The following FOCAD variants were observed in gnomAD, a reference collection of about 807,000 sequenced individuals.
FOCAD encodes KIAA1797.
In FOCAD, 198 loss-of-function variants were observed where a neutral mutation model predicts 225.6. The observed-to-expected ratio is 0.88, with a 90% CI of 0.78 to 0.99. The LOEUF (loss-of-function observed/expected upper bound fraction) is 0.99. FOCAD is among the 50% of genes least tolerant of loss of function. FOCAD has a pLI of 0.00. For synonymous variants in FOCAD, 897 were observed against 755.0 expected (o/e 1.19, Z -3.08); for missense variants, 2,713 against 2,123.6 (o/e 1.28, Z -5.46).
At chr9:20,768,755 C>A (rs1216339184) in intron 7 of FOCAD, among the ~76,000 whole-genome samples, 1 of 152,084 alleles carries the variant, frequency 6.6e-6, no homozygotes, top group Non-Finnish European at 1.5e-5. Context: ...GTTTCTTCTC[C>A]TTCCAGTTGC....
intron 15 of FOCAD, among the ~76,000 whole-genome samples, chr9:20,849,729 A>T (rs137940623): frequency 1.3e-5 from 2 of 152,068 alleles, no homozygotes; most frequent in South Asian, 4.1e-4. Context: ...TAGTAACTAC[A>T]TGTCCAGATC....
chr9:20,774,981 G>T (rs1283000840), intron 8 of FOCAD, among the ~76,000 whole-genome samples: 3 of 152,138 alleles, frequency 2.0e-5, no homozygotes, highest in Admixed American at 2.0e-4. Context: ...AGGTCTATAT[G>T]TACTACAATT....
At chr9:20,890,511 C>T (rs1197906944) in intron 21 of FOCAD, among the ~76,000 whole-genome samples, 3 of 151,954 alleles carry the variant, frequency 2.0e-5, no homozygotes, top group Non-Finnish European at 4.4e-5. Context: ...ACCAACCTTG[C>T]ATTCCTGGGA....
intron 15 of FOCAD, among the ~76,000 whole-genome samples, chr9:20,850,371 A>G (rs952337954): frequency 4.6e-5 from 7 of 151,772 alleles, no homozygotes; most frequent in South Asian, 2.1e-4. Context: ...ACAGAAATAC[A>G]CTGTCGAGGA....
chr9:20,938,620 C>T (rs1272392389), intron 28 of FOCAD, among the ~76,000 whole-genome samples: 1 of 151,896 alleles, frequency 6.6e-6, no homozygotes, highest in Non-Finnish European at 1.5e-5. Context: ...AGGGGATATA[C>T]CTAATGTTAA....
rs187559739 is a variant in FOCAD at position 20,694,445 on chromosome 9, A to G, written c.-33+10152A>G. ...ATATTGAAATGAATGATTATGAATAAAAATGATACTCTCTATATGTCTCAG... is the reference window on the plus strand; with the variant it reads ...ATATTGAAATGAATGATTATGAATAGAAATGATACTCTCTATATGTCTCAG... On this transcript the variant is annotated intron_variant, in intron 1 of 43. Transcript: ENST00000338382. 3 of 152,312 alleles carry G rather than the reference A, an allele frequency of 2.0e-5. No homozygotes were observed. In the East Asian group the frequency reaches 5.8e-4, roughly 29 times the overall value. The allele number at this position is 152,312 out of a possible 1,614,324, so 9.4% of individuals were successfully genotyped here. A position where few individuals can be genotyped will look rare whatever the true frequency, so the allele number is the denominator to read the frequency against.
At chr9:20,732,559 G>A (rs1826801824) in intron 4 of FOCAD, among the ~76,000 whole-genome samples, 2 of 152,106 alleles carry the variant, frequency 1.3e-5, no homozygotes, top group African/African-American at 2.4e-5. Context: ...TGATGATTTG[G>A]GTCTTTATCC....
intron 21 of FOCAD, among the ~76,000 whole-genome samples, chr9:20,899,269 A>T (rs1832364435): frequency 6.6e-6 from 1 of 151,976 alleles, no homozygotes; most frequent in African/African-American, 2.4e-5. Context: ...GCTAAAACTC[A>T]TAAAGGTGTG....
intron 40 of FOCAD, among the ~76,000 whole-genome samples, chr9:20,986,876 G>A (rs576481334): frequency 1.3e-5 from 2 of 152,274 alleles, no homozygotes; most frequent in South Asian, 2.1e-4. Context: ...TTATTTTACA[G>A]AAGAACTTCT....
chr9:20,771,857 A>G (rs374797401), intron 8 of FOCAD, among the ~76,000 whole-genome samples: 57 of 152,302 alleles, frequency 3.7e-4, no homozygotes, highest in African/African-American at 1.3e-3. Context: ...AGGACTCTTA[A>G]TGGCTTGCAG....
intron 4 of FOCAD, among the ~76,000 whole-genome samples, chr9:20,722,279 T>C (rs530801373): frequency 1.8e-4 from 27 of 152,182 alleles, no homozygotes; most frequent in Admixed American, 1.4e-3. Context: ...TCCAGCCTTC[T>C]GTTCAAGTTA....
chr9:20,948,705 AT>A, intron 31 of FOCAD, 145 bp from the exon 32 acceptor site: 1 of 792,724 alleles, frequency 1.3e-6, no homozygotes. Context: ...GTCTGCTGCC[AT>A]TTTTGGTTCA....
At chr9:20,680,859 C>G (rs1370391803), upstream of FOCAD, among the ~76,000 whole-genome samples, 1 of 152,090 alleles carries the variant, frequency 6.6e-6, no homozygotes, top group African/African-American at 2.4e-5. Context: ...GTTAGCCGAA[C>G]ACTGTGGTGT....
At position 20,717,786 on chromosome 9, in the gene FOCAD, T is replaced by C. The variant is rs1320536258; in HGVS notation, c.58-8T>C. Reference sequence around the variant, plus strand: ...GGACTGTGTTCATTAATTTTATTTCTTTTTAAGGCTGTGGGTCATCTTATT... The same window carrying C: ...GGACTGTGTTCATTAATTTTATTTCCTTTTAAGGCTGTGGGTCATCTTATT... On this transcript the variant is annotated splice_polypyrimidine_tract_variant and splice_region_variant and intron_variant, in intron 2 of 43. Coordinates refer to ENST00000338382, the MANE Select transcript of FOCAD (RefSeq NM_001375567.1). 6.2e-7 allele frequency: 1 copy of C among 1,607,892 alleles called. No homozygotes were observed. The highest frequency in any genetic ancestry group is 2.2e-5 in the East Asian group (1 of 44,668).
chr9:20,727,914 A>G (rs1563920330), intron 4 of FOCAD, among the ~76,000 whole-genome samples: 1 of 152,160 alleles, frequency 6.6e-6, no homozygotes, highest in East Asian at 1.9e-4. Context: ...CTTGTACCTC[A>G]TGTTTGGTAT....
intron 5 of FOCAD, among the ~76,000 whole-genome samples, chr9:20,753,525 G>A (rs1329661325): frequency 6.6e-6 from 1 of 151,816 alleles, no homozygotes; most frequent in Admixed American, 6.6e-5. Flanking sequence ...TGATCATGGT[G>A]GATAAGCTTT....
intron 28 of FOCAD, among the ~76,000 whole-genome samples, chr9:20,935,752 A>C (rs1390304013): frequency 6.6e-6 from 1 of 152,174 alleles, no homozygotes; most frequent in African/African-American, 2.4e-5. Context: ...TTGGGCTAAG[A>C]GGGCCTTTGA....
intron 1 of FOCAD, among the ~76,000 whole-genome samples, chr9:20,702,603 G>T (rs1260809026): frequency 1.3e-5 from 2 of 152,166 alleles, no homozygotes; most frequent in East Asian, 3.9e-4. Context: ...TATGTCATGA[G>T]GTTGTTTTGA....
chr9:20,755,999 C>G (rs527579223), intron 5 of FOCAD, among the ~76,000 whole-genome samples: 3 of 152,176 alleles, frequency 2.0e-5, no homozygotes, highest in African/African-American at 7.2e-5. Flanking sequence ...GCTGAACTTT[C>G]AATCTAAGAA....
Sources: gnomAD v4.1 joint callset for allele counts (sites outside exome capture counted in the v4.1 genomes callset) on GRCh38, gnomAD v4.1.1 for gene constraint, MANE v1.5 for transcripts, NCBI Gene and HGNC (gene_info 2026-07-23, HGNC 2026-07-21) for gene names.